The following TMEM209 variants were observed in gnomAD, a reference collection of about 807,000 sequenced individuals.
The protein encoded by TMEM209 is testicular tissue protein Li 202.
Under a neutral mutation model 76.2 loss-of-function variants are expected in TMEM209, and 65 were observed. The ratio of observed to expected loss-of-function variants is 0.85; its 90% CI spans 0.70 to 1.05. The LOEUF is 1.05. TMEM209 is among the 50% of genes least tolerant of loss of function. The pLI is 0.00. For missense variants in TMEM209, 623 were observed against 685.5 expected, an observed-to-expected ratio of 0.91 and a Z score of 1.02; for synonymous variants, 239 against 237.6, an observed-to-expected ratio of 1.01 and a Z score of -0.06.
rs180789500 is a variant in TMEM209, at chr7:130,191,739, A to G, written c.775+883T>C. 5.9e-3 allele frequency among the ~76,000 whole-genome samples: 900 copies of G among 152,372 alleles called. 2 individuals are homozygous for G. Among genetic ancestry groups the G allele is most frequent in the Non-Finnish European group, 9.0e-3 (610 of 68,034 alleles). ...ATAGCTCCTACTGGGATAAAGAATA[A>G]AAGTGAAGTCAGAAAATATCTGGGT... On this transcript the variant is annotated intron_variant, in intron 6 of 14. Coordinates refer to ENST00000397622, the MANE Select transcript of TMEM209 (RefSeq NM_032842.4).
chr7:130,173,111 C>T (rs920706265), intron 13 of TMEM209, among the ~76,000 whole-genome samples: 1 of 151,420 alleles, frequency 6.6e-6, no homozygotes, highest in Non-Finnish European at 1.5e-5. Flanking sequence ...TAATTTTAGC[C>T]CATAAAAAAT....
At position 130,168,631 on chromosome 7, in the gene TMEM209, A is replaced by G. The variant is rs552323843; in HGVS notation, c.1631+1769T>C. Among the ~76,000 whole-genome samples, 9 of 152,350 alleles carry G rather than the reference A, an allele frequency of 5.9e-5. No individual in the cohort carries two copies. The South Asian group carries it at 1.9e-3, about 32-fold the overall frequency. On this transcript the variant is annotated intron_variant, in intron 14 of 14. Coordinates refer to ENST00000397622, the MANE Select transcript of TMEM209 (RefSeq NM_032842.4). ...GCCATAAGCCTAAAAATTAGATCAT[A>G]AAGTACTATGTTTGGATACAATACA...
chr7:130,191,612 A>T (rs1797799019), intron 6 of TMEM209, among the ~76,000 whole-genome samples: 1 of 152,164 alleles, frequency 6.6e-6, no homozygotes, highest in Non-Finnish European at 1.5e-5. Flanking sequence ...TAACCACAGT[A>T]AAATTAACTT....
At chr7:130,179,053 G>A (rs1797330234) in intron 9 of TMEM209, among the ~76,000 whole-genome samples, 1 of 152,160 alleles carries the variant, frequency 6.6e-6, no homozygotes, top group Non-Finnish European at 1.5e-5. Context: ...CTCCCCAAGT[G>A]TTGAGATCAC....
intron 5 of TMEM209, among the ~76,000 whole-genome samples, chr7:130,199,367 GCCA>G: frequency 6.6e-6 from 1 of 151,980 alleles, no homozygotes; most frequent in South Asian, 2.1e-4. Flanking sequence ...ACAGGCGCCC[GCCA>G]CCACACCTGG....
At chr7:130,188,403 T>C (rs1228389664) in intron 6 of TMEM209, among the ~76,000 whole-genome samples, 1 of 152,004 alleles carries the variant, frequency 6.6e-6, no homozygotes, top group Non-Finnish European at 1.5e-5. Flanking sequence ...GAGACCATCC[T>C]GGCTAACATG....
Position 130,166,376 on chromosome 7 carries a change from G to T in TMEM209, c.*75C>A. On this transcript the variant is annotated 3_prime_UTR_variant, in exon 15 of 15. Coordinates refer to ENST00000397622, the MANE Select transcript of TMEM209 (RefSeq NM_032842.4). ...TGTGTATTTTATTTCAGAAGAGTCA[G>T]TGGCTCAGAGATGTTTAGTTTCGAC... The T allele has an allele frequency of 1.6e-6, 2 of 1,214,894 alleles. No homozygotes were observed. Among genetic ancestry groups the T allele is most frequent in the Non-Finnish European group, 2.3e-6 (2 of 869,818 alleles). 75.3% of individuals were successfully genotyped at this position (1,214,894 alleles called of 1,614,324 possible).
chr7:130,170,538 T>C (rs1029179765), intron 13 of TMEM209, 65 bp from the exon 14 acceptor site: 26 of 1,252,742 alleles, frequency 2.1e-5, no homozygotes, highest in Non-Finnish European at 3.0e-5. Flanking sequence ...GGTAGGTAAA[T>C]ACATATCTTA....
At chr7:130,203,532 C>G (rs753024738) in intron 3 of TMEM209, among the ~76,000 whole-genome samples, 24 of 152,160 alleles carry the variant, frequency 1.6e-4, no homozygotes, top group Non-Finnish European at 2.8e-4. Flanking sequence ...AAAAACAAAT[C>G]TCACTAACCT....
intron 9 of TMEM209, among the ~76,000 whole-genome samples, chr7:130,180,033 T>C (rs1007105194): frequency 2.0e-5 from 3 of 152,176 alleles, no homozygotes; most frequent in African/African-American, 7.2e-5. Flanking sequence ...TAAGAAATTA[T>C]CCTAAAGAAA....
chr7:130,187,700 A>G (rs1443069375), intron 6 of TMEM209, among the ~76,000 whole-genome samples: 1 of 152,052 alleles, frequency 6.6e-6, no homozygotes, highest in Non-Finnish European at 1.5e-5. Context: ...AAAATTATAG[A>G]TATATCTTCA....
chr7:130,205,359 C>T lies in TMEM209; in HGVS notation c.3+14G>A. 1.9e-6 allele frequency: 3 copies of T among 1,613,978 alleles called. No homozygotes were observed. The highest frequency in any genetic ancestry group is 2.5e-6 in the Non-Finnish European group (3 of 1,179,908). ...TCCAAGACAGGAAGCACAAACACGACCCCGAAAACGCACCATGTCCTCTGG... is the reference window on the plus strand; with the variant it reads ...TCCAAGACAGGAAGCACAAACACGATCCCGAAAACGCACCATGTCCTCTGG... On this transcript the variant is annotated intron_variant, in intron 1 of 14. Transcript: ENST00000397622.
In TMEM209 at chr7:130,204,060, C is replaced by G; in HGVS notation, c.54G>C (p.Lys18Asn). The G allele has an allele frequency of 6.2e-7, 1 of 1,613,056 alleles. No homozygotes were observed. Among genetic ancestry groups the G allele is most frequent in the Non-Finnish European group, 8.5e-7 (1 of 1,179,480 alleles). Residue 18 changes from lysine to asparagine, a missense_variant, in exon 2 of 15, where the codon AAG becomes AAC. Lys to Asn is a moderately conservative substitution (Grantham distance 94). Transcript: ENST00000397622. ...TCCTAGCCTCTGTTTCTTTTCTCAT[C>G]TTGATGGTTCTGTCAATAAGGGAAG... The part of the protein sequence containing the change: ...PSASLIDRTI[K>N]MRKETEARKV...
At chr7:130,201,785 G>C (rs1412362954) in intron 5 of TMEM209, 65 bp downstream of exon 5, 4 of 1,586,526 alleles carry the variant, frequency 2.5e-6, no homozygotes, top group Middle Eastern at 1.7e-4. Flanking sequence ...TGACTCATTA[G>C]ATGATTTTTA....
chr7:130,170,310 T>G (rs1797026950), intron 14 of TMEM209, 90 bp downstream of exon 14: 1 of 1,075,230 alleles, frequency 9.3e-7, no homozygotes, highest in East Asian at 2.4e-5. Flanking sequence ...CCATAAACCT[T>G]CAGTTACATG....
At chr7:130,173,606 A>T in intron 13 of TMEM209, 26 bp downstream of exon 13, 1 of 1,530,918 alleles carries the variant, frequency 6.5e-7, no homozygotes, top group Non-Finnish European at 9.0e-7. Flanking sequence ...ACATTCTGTA[A>T]CAGCATCTTC....
At chr7:130,169,530 C>T (rs952600994) in intron 14 of TMEM209, among the ~76,000 whole-genome samples, 17 of 152,188 alleles carry the variant, frequency 1.1e-4, no homozygotes, top group African/African-American at 3.1e-4. Context: ...ATCTGTTACA[C>T]GTTTTACACT....
intron 14 of TMEM209, among the ~76,000 whole-genome samples, chr7:130,168,277 C>T (rs1179333037): frequency 1.3e-5 from 2 of 152,018 alleles, no homozygotes; most frequent in Non-Finnish European, 2.9e-5. Context: ...TCTGAAAATC[C>T]GAAATGCTCC....
intron 9 of TMEM209, among the ~76,000 whole-genome samples, chr7:130,180,261 T>C (rs1169907774): frequency 6.6e-6 from 1 of 152,196 alleles, no homozygotes; most frequent in East Asian, 1.9e-4. Context: ...TTGTGATTAA[T>C]ATCTGCTAAG....
Sources: allele counts gnomAD v4.1 joint callset (sites outside exome capture counted in the v4.1 genomes callset), GRCh38; gene constraint gnomAD v4.1.1; transcripts MANE v1.5; gene names NCBI Gene and HGNC (gene_info 2026-07-23, HGNC 2026-07-21).